Variants in USP31 observed in about 807,000 individuals in gnomAD.
USP31 encodes the protein ubiquitin specific peptidase 31.
Under a neutral mutation model 119.4 loss-of-function variants are expected in USP31, and 44 were observed. That is an observed-to-expected ratio of 0.37 (90% CI 0.29 to 0.47). The LOEUF (loss-of-function observed/expected upper bound fraction) is 0.47. Ranked by LOEUF, USP31 falls within the 20% of genes least tolerant of loss-of-function variation. USP31 has a pLI of 0.99. For missense variants in USP31, 1,643 were observed against 1,730.2 expected (o/e 0.95, Z 0.89); for synonymous variants, 749 against 705.6 (o/e 1.06, Z -0.97).
At chr16:23,120,925 GATTATATATACACACACAA>G (rs1215402722) in intron 1 of USP31, among the ~76,000 whole-genome samples, 1 of 152,030 alleles carries the variant, frequency 6.6e-6, no homozygotes, top group Non-Finnish European at 1.5e-5. Context: ...AACACACACA[GATTATATATACACACACAA>G]GAGGCAAAAT....
In USP31 at chr16:23,072,026, C is replaced by T; in HGVS notation, c.2488+19G>A. ...GTGAGTTACCATTCTGGAAATTTGT[C>T]ACCAAAACCCACACCCACCATCATC... On this transcript the variant is annotated intron_variant, in intron 15 of 15. Transcript: ENST00000219689. 1 of 1,598,806 alleles carries T rather than the reference C, an allele frequency of 6.3e-7. No homozygotes were observed. The highest frequency in any genetic ancestry group is 8.5e-7 in the Non-Finnish European group (1 of 1,171,072).
chr16:23,089,669 C>T (rs929157045), intron 7 of USP31, among the ~76,000 whole-genome samples: 1 of 152,192 alleles, frequency 6.6e-6, no homozygotes, highest in Non-Finnish European at 1.5e-5. Flanking sequence ...CTCCTTGAAA[C>T]ATATCTGTCT....
rs1289634462 is a variant in USP31, at chr16:23,063,338, A to T, written c.*4708T>A. 1.3e-5 allele frequency: 2 copies of T among 152,408 alleles called. No homozygotes were observed. Among genetic ancestry groups the T allele is most frequent in the African/African-American group, 4.8e-5 (2 of 41,458 alleles). The allele number at this position is 152,408 out of a possible 1,614,324, so 9.4% of individuals were successfully genotyped here. On this transcript the variant is annotated 3_prime_UTR_variant, in exon 16 of 16. Coordinates refer to ENST00000219689, the MANE Select transcript of USP31 (RefSeq NM_020718.4). ...GTCTAATTGTGATCAGTGGCTGGGAAGCCCCAAAGCTTTTCAAAATAGCTC... is the reference window on the plus strand; with the variant it reads ...GTCTAATTGTGATCAGTGGCTGGGATGCCCCAAAGCTTTTCAAAATAGCTC...
rs1404126007 is a variant in USP31, at chr16:23,068,512, C to T, written c.3593G>A (p.Ser1198Asn). 3 of 1,613,786 alleles carry T rather than the reference C, an allele frequency of 1.9e-6. No homozygotes were observed. The highest frequency in any genetic ancestry group is 2.2e-5 in the South Asian group (2 of 91,036). The change falls in exon 16 of 16, where the codon AGC becomes AAC. Residue 1198 changes from serine (S) to asparagine (N), a missense_variant. Ser to Asn is a conservative substitution (Grantham distance 46). This residue lies in a region of USP31 where 699 missense variants were observed against 650.9 expected (regional missense o/e 1.07). Coordinates refer to ENST00000219689, the MANE Select transcript of USP31 (RefSeq NM_020718.4). Reference sequence around the variant, plus strand: ...GGAGCGCAGGCTGGCCATGGAGGAGCTCCGCACGTGCTTCCCGGCCCCCCT... The same window carrying T: ...GGAGCGCAGGCTGGCCATGGAGGAGTTCCGCACGTGCTTCCCGGCCCCCCT... ...EGRGAGKHVR[S>N]SSMASLRSPS...
rs1467797651 is a variant in USP31 at position 23,069,028 on chromosome 16, G to C, written c.3077C>G (p.Ser1026Cys). 3.4e-5 allele frequency: 55 copies of C among 1,613,380 alleles called. No homozygotes were observed. Among genetic ancestry groups the C allele is most frequent in the Non-Finnish European group, 4.4e-5 (52 of 1,180,036 alleles). The change falls in exon 16 of 16, where the codon TCC (serine) becomes TGC (cysteine). Residue 1026 changes from serine (S) to cysteine (C), a missense_variant. Coordinates refer to ENST00000219689, the MANE Select transcript of USP31 (RefSeq NM_020718.4). ...AKKPESTTKR[S>C]PSSKGTSEPE... The stretch of plus-strand genomic sequence containing the variant: ...CTCAGAAGTGCCTTTGGAACTGGGG[G>C]ATCTCTTAGTTGTGCTCTCTGGTTT...
chr16:23,147,269 C>T (rs926143338), intron 1 of USP31, among the ~76,000 whole-genome samples: 1 of 152,046 alleles, frequency 6.6e-6, no homozygotes, highest in African/African-American at 2.4e-5. Context: ...CCACCACGCC[C>T]GTCTAATTTT....
rs189958694 is a variant in USP31 at position 23,079,614 on chromosome 16, T to C, written c.2176+332A>G. On this transcript the variant is annotated intron_variant, in intron 13 of 15. Transcript: ENST00000219689. ...CAATCATTTAAAATGAGAGAGAAGA[T>C]AGAACTCAAGGAACTCTATCTAGCA... 5.4e-4 allele frequency: 111 copies of C among 204,686 alleles called. 1 individual carries two copies. The Middle Eastern group carries it at 7.2e-3, about 13-fold the overall frequency. 12.7% of individuals were successfully genotyped at this position (204,686 alleles called of 1,614,324 possible).
At chr16:23,100,074 T>C (rs1316362457) in intron 6 of USP31, among the ~76,000 whole-genome samples, 2 of 152,200 alleles carry the variant, frequency 1.3e-5, no homozygotes, top group African/African-American at 4.8e-5. Context: ...CAAACACTGC[T>C]GATAAAAATG....
intron 7 of USP31, among the ~76,000 whole-genome samples, chr16:23,089,890 G>C (rs1162602315): frequency 6.6e-6 from 1 of 152,088 alleles, no homozygotes; most frequent in African/African-American, 2.4e-5. Context: ...AAGAAAATTT[G>C]GACATACTTC....
chr16:23,131,035 C>G (rs1903014643), intron 1 of USP31, among the ~76,000 whole-genome samples: 1 of 152,136 alleles, frequency 6.6e-6, no homozygotes, highest in South Asian at 2.1e-4. Context: ...TTCAGCTGGG[C>G]GCTGTGGCTC....
Position 23,068,710 on chromosome 16 carries a change from T to TA in USP31, c.3394_3395insT (p.Lys1132IlefsTer25). On this transcript the variant is annotated frameshift_variant, in exon 16 of 16. Coordinates refer to ENST00000219689, the MANE Select transcript of USP31 (RefSeq NM_020718.4). LOFTEE classifies it high-confidence loss of function. ...GCTCCTTGTGGCAGGGCCCGAGGCCTTTTTGGCAGATGTGGAGGAAGCAGT... is the reference window on the plus strand; with the variant it reads ...GCTCCTTGTGGCAGGGCCCGAGGCCTATTTTGGCAGATGTGGAGGAAGCAGT... The TA allele has an allele frequency of 6.2e-7, 1 of 1,612,464 alleles. No individual in the cohort carries two copies. The highest frequency in any genetic ancestry group is 8.5e-7 in the Non-Finnish European group (1 of 1,179,322).
At chr16:23,121,629 G>A (rs1177862330) in intron 1 of USP31, among the ~76,000 whole-genome samples, 1 of 152,174 alleles carries the variant, frequency 6.6e-6, no homozygotes. Context: ...CTATCATATA[G>A]TAACTTCAAA....
At position 23,136,869 on chromosome 16, in the gene USP31, C is replaced by T. The variant is rs370380899; in HGVS notation, c.633+11769G>A. On this transcript the variant is annotated intron_variant, in intron 1 of 15. Coordinates refer to ENST00000219689, the MANE Select transcript of USP31 (RefSeq NM_020718.4). ...ATTTCTCCAAAGATATACAAATGAA[C>T]TATATGCACTTGAAAAGTGCATCAT... Among the ~76,000 whole-genome samples, 4 of 152,280 alleles carry T rather than the reference C, an allele frequency of 2.6e-5. No homozygotes were observed. The South Asian group carries it at 6.2e-4, about 24-fold the overall frequency.
intron 11 of USP31, among the ~76,000 whole-genome samples, chr16:23,084,372 G>T (rs1420793265): frequency 1.3e-5 from 2 of 152,158 alleles, no homozygotes; most frequent in African/African-American, 4.8e-5. Context: ...TTCAATATGG[G>T]ACCCACTAGC....
intron 1 of USP31, among the ~76,000 whole-genome samples, chr16:23,123,771 A>G (rs1255131771): frequency 6.6e-6 from 1 of 152,140 alleles, no homozygotes; most frequent in African/African-American, 2.4e-5. Context: ...AGGCCAAGGC[A>G]GAAAGATCAC....
chr16:23,086,786 G>A (rs1216220615), intron 9 of USP31, among the ~76,000 whole-genome samples: 2 of 152,124 alleles, frequency 1.3e-5, no homozygotes, highest in Non-Finnish European at 2.9e-5. Flanking sequence ...GGAAGAATGT[G>A]GCCTGATTAG....
Position 23,126,276 on chromosome 16 carries a change from G to A in USP31, c.634-18093C>T, listed in dbSNP as rs923814933. Among the ~76,000 whole-genome samples, 13 of 145,038 alleles carry A rather than the reference G, an allele frequency of 9.0e-5. No homozygotes were observed. The East Asian group carries it at 1.8e-3, about 20-fold the overall frequency. ...TTTGAGGCTGCAGTAAGCTGTGATC[G>A]CACCACTGAACTCTAACCTGGGTAC... is the stretch of plus-strand genomic sequence containing the variant. On this transcript the variant is annotated intron_variant, in intron 1 of 15. Transcript: ENST00000219689.
intron 1 of USP31, among the ~76,000 whole-genome samples, chr16:23,118,504 C>T (rs368609699): frequency 7.9e-5 from 12 of 151,886 alleles, no homozygotes; most frequent in African/African-American, 2.9e-4. Context: ...AGTCTGAGAA[C>T]GAACACAGCC....
Position 23,106,352 on chromosome 16 carries a change from C to A in USP31, c.860+47G>T, listed in dbSNP as rs376904048. On this transcript the variant is annotated intron_variant, in intron 3 of 15. Coordinates refer to ENST00000219689, the MANE Select transcript of USP31 (RefSeq NM_020718.4). The stretch of plus-strand genomic sequence containing the variant: ...CGCTTGACATTAAAATCACCCAGAA[C>A]GATGTCAGGTAAACAAAATAAGTGG... 2.5e-6 allele frequency: 4 copies of A among 1,613,220 alleles called. No individual in the cohort carries two copies. In the Admixed American group the frequency reaches 6.7e-5, roughly 27 times the overall value.
Sources: gnomAD v4.1 joint callset for allele counts (sites outside exome capture counted in the v4.1 genomes callset) on GRCh38, gnomAD v4.1.1 for gene constraint, gnomAD v4.1.1 regional missense constraint, MANE v1.5 for transcripts, NCBI Gene and HGNC (gene_info 2026-07-23, HGNC 2026-07-21) for gene names.